The following HMCN2 variants were observed in gnomAD, a reference collection of about 807,000 sequenced individuals.
The protein encoded by HMCN2 is hemicentin-2.
A neutral mutation model predicts 377.5 loss-of-function variants in HMCN2; 325 were observed. The ratio of observed to expected loss-of-function variants is 0.86; its 90% confidence interval spans 0.79 to 0.94. HMCN2 has a LOEUF of 0.94. HMCN2 is among the 40% of genes least tolerant of loss of function. The pLI, the probability that HMCN2 is intolerant of heterozygous loss-of-function variation, is 0.00. For missense variants in HMCN2, 4,543 were observed against 4,725.3 expected (o/e 0.96, Z 1.13); for synonymous variants, 2,007 against 2,046.8 (o/e 0.98, Z 0.53).
chr9:130,344,096 A>G (rs1012786106), intron 25 of HMCN2, among the ~76,000 whole-genome samples: 3 of 152,206 alleles, frequency 2.0e-5, no homozygotes. Flanking sequence ...GCCGTCCTGC[A>G]CTAGAGCACT....
chr9:130,360,454 C>T lies in HMCN2; in HGVS notation c.5800C>T (p.Pro1934Ser), dbSNP rs1043609990. The T allele has an allele frequency of 3.1e-6, 4 of 1,302,544 alleles. No individual in the cohort carries two copies. The highest frequency in any genetic ancestry group is 4.0e-6 in the Non-Finnish European group (4 of 987,970). 80.7% of individuals were successfully genotyped at this position (1,302,544 alleles called of 1,614,324 possible). A position where few individuals can be genotyped will look rare whatever the true frequency, so the allele number is the denominator to read the frequency against. ...PDVSWFKGHQ[P>S]VSSWMGVTVS... ...TGTCTCCTGGTTCAAGGGCCACCAA[C>T]CTGTCTCTTCATGGATGGGAGTGAC... Residue 1934 changes from proline to serine, a missense_variant, in exon 38 of 98, where the codon CCT (proline) becomes TCT (serine). Physicochemically the swap from Pro to Ser is moderately conservative, Grantham distance 74. This residue lies in a region of HMCN2 where 1,032 missense variants were observed against 1,285.1 expected (regional missense o/e 0.80). Coordinates refer to ENST00000683500, the MANE Select transcript of HMCN2 (RefSeq NM_001291815.2). This position sits in a 1 kb window ranked among gnomAD's most constrained non-coding sequence, Gnocchi z 4.7.
chr9:130,292,907 T>C lies in HMCN2; in HGVS notation c.613-1948T>C, dbSNP rs550102310. 3.3e-5 allele frequency among the ~76,000 whole-genome samples: 5 copies of C among 152,268 alleles called. No individual in the cohort carries two copies. In the East Asian group the frequency reaches 7.7e-4, roughly 24 times the overall value. ...GAAACCAAGATCTAGGTACTGGTGG[T>C]GATCATTGTTATTGAAACTTTGGGC... On this transcript the variant is annotated intron_variant, in intron 4 of 97. Coordinates refer to ENST00000683500, the MANE Select transcript of HMCN2 (RefSeq NM_001291815.2).
Position 130,369,681 on chromosome 9 carries a change from C to G in HMCN2, c.6899C>G (p.Thr2300Arg). Residue 2300 changes from threonine (T) to arginine (R), a missense_variant, in exon 45 of 98, where the codon ACA becomes AGA. Thr to Arg is a moderately conservative substitution (Grantham distance 71). Around this residue, in one of 5 missense-constraint regions of HMCN2, gnomAD observed 1,032 missense variants for 1,285.1 expected, o/e 0.80. Transcript: ENST00000683500. The surrounding 1 kb of genome is among the most constrained non-coding windows in gnomAD (Gnocchi z 4.5). ...NATGKPPPTVTWERDGQPVGA... is the reference protein window; with the variant it reads ...NATGKPPPTVRWERDGQPVGA... ...ACAGGGAAACCCCCTCCGACAGTGACATGGGAGCGGGACGGCCAGCCCGTG... is the reference window on the plus strand; with the variant it reads ...ACAGGGAAACCCCCTCCGACAGTGAGATGGGAGCGGGACGGCCAGCCCGTG... 1 of 986,004 alleles carries G rather than the reference C, an allele frequency of 1.0e-6. No individual in the cohort carries two copies. The highest frequency in any genetic ancestry group is 1.2e-6 in the Non-Finnish European group (1 of 830,034). 61.1% of individuals were successfully genotyped at this position (986,004 alleles called of 1,614,324 possible). A position where few individuals can be genotyped will look rare whatever the true frequency, so the allele number is the denominator to read the frequency against.
At chr9:130,284,525 G>C (rs782341797) in intron 1 of HMCN2, 78 bp from the exon 2 acceptor site, 8 of 464,898 alleles carry the variant, frequency 1.7e-5, no homozygotes, top group Non-Finnish European at 3.6e-5. Context: ...CCATCCTCAT[G>C]TCGCCGACAA....
intron 59 of HMCN2, 50 bp downstream of exon 59, chr9:130,384,848 C>A: frequency 1.7e-6 from 2 of 1,166,008 alleles, no homozygotes; most frequent in Non-Finnish European, 1.2e-6. Context: ...CCTTCAGTCA[C>A]CCCTCAGCCC....
chr9:130,401,729 C>T (rs1842861954), intron 77 of HMCN2, among the ~76,000 whole-genome samples: 1 of 152,176 alleles, frequency 6.6e-6, no homozygotes, highest in African/African-American at 2.4e-5. Context: ...ACACTAAAGT[C>T]TAGGAACCAG....
intron 74 of HMCN2, among the ~76,000 whole-genome samples, 182 bp downstream of exon 74, chr9:130,397,837 G>T (rs910242417): frequency 1.3e-5 from 2 of 152,126 alleles, no homozygotes; most frequent in Non-Finnish European, 1.5e-5. Context: ...GTATTTTAGT[G>T]CATATATTAC....
chr9:130,391,050 G>A lies in HMCN2; in HGVS notation c.9597G>A (p.Ala3199=), dbSNP rs936083173. ...TGAGCCGCCTGCAACCGGCCCAGGC[G>A]GGCACCTACACGTGCGTGGCTGAGA... ...LQLSRLQPAQ[A]GTYTCVAENT... Residue 3199 remains alanine (A), a synonymous_variant, in exon 63 of 98, where the codon GCG becomes GCA. Transcript: ENST00000683500. 1.0e-5 allele frequency: 10 copies of A among 987,810 alleles called. No individual in the cohort carries two copies. The highest frequency in any genetic ancestry group is 9.4e-5 in the South Asian group (2 of 21,386). The allele number at this position is 987,810 out of a possible 1,614,324, so 61.2% of individuals were successfully genotyped here. A position where few individuals can be genotyped will look rare whatever the true frequency, so the allele number is the denominator to read the frequency against.
intron 25 of HMCN2, among the ~76,000 whole-genome samples, chr9:130,346,732 G>A (rs1014291667): frequency 6.0e-5 from 9 of 149,888 alleles, no homozygotes; most frequent in South Asian, 2.1e-4. Flanking sequence ...CCTGGCCCTC[G>A]TCGGGTGGGG....
intron 80 of HMCN2, 80 bp downstream of exon 80, chr9:130,403,955 C>A (rs1346546096): frequency 2.5e-6 from 3 of 1,195,210 alleles, no homozygotes; most frequent in South Asian, 1.4e-5. Flanking sequence ...CCTTCTCTGC[C>A]TGGCAGGGCA....
chr9:130,299,327 C>T, intron 8 of HMCN2, 39 bp downstream of exon 8: 1 of 404,330 alleles, frequency 2.5e-6, no homozygotes, highest in Non-Finnish European at 5.2e-6. Context: ...GCCCCTGGCT[C>T]ATTCAGAGTC....
chr9:130,425,288 G>C (rs1233708025), intron 89 of HMCN2, among the ~76,000 whole-genome samples, 158 bp downstream of exon 89: 1 of 152,186 alleles, frequency 6.6e-6, no homozygotes, highest in Non-Finnish European at 1.5e-5. Context: ...AGGATGAGCA[G>C]TTGTAACAGG....
At position 130,383,128 on chromosome 9, in the gene HMCN2, C is replaced by T. The variant is rs1014218893; in HGVS notation, c.8733+262C>T. On this transcript the variant is annotated intron_variant, in intron 56 of 97. Coordinates refer to ENST00000683500, the MANE Select transcript of HMCN2 (RefSeq NM_001291815.2). The stretch of plus-strand genomic sequence containing the variant: ...CCCAGCACCGCACACAGCAGCCTTC[C>T]GCGGGATCACCAGCTGGCGCGTGCA... Among the ~76,000 whole-genome samples the T allele has an allele frequency of 3.9e-5, 6 of 152,190 alleles. No homozygotes were observed. The South Asian group carries it at 8.3e-4, about 21-fold the overall frequency.
At position 130,408,907 on chromosome 9, in the gene HMCN2, GGCTC is replaced by G; in HGVS notation, c.12857_12860del (p.Ser4286Ter). The G allele has an allele frequency of 7.8e-7, 1 of 1,289,692 alleles. No homozygotes were observed. The highest frequency in any genetic ancestry group is 1.2e-5 in the South Asian group (1 of 81,022). 79.9% of individuals were successfully genotyped at this position (1,289,692 alleles called of 1,614,324 possible). On this transcript the variant is annotated frameshift_variant, in exon 84 of 98. Transcript: ENST00000683500. LOFTEE classifies it high-confidence loss of function. Reference sequence around the variant, plus strand: ...CCACCTCCGGCACCAGCTGCAGAATGGCTCGCTGACCATCCGCAGGACTGAGGCA... The same window carrying G: ...CCACCTCCGGCACCAGCTGCAGAATGGCTGACCATCCGCAGGACTGAGGCA...
chr9:130,301,645 C>A (rs139746382), intron 8 of HMCN2, among the ~76,000 whole-genome samples: 34 of 152,374 alleles, frequency 2.2e-4, no homozygotes, highest in Non-Finnish European at 4.3e-4. Context: ...ACCCCTCCCC[C>A]CCCGGGACAG....
rs1255901589 is a variant in HMCN2 at position 130,394,505 on chromosome 9, A to G, written c.10622A>G (p.Asp3541Gly). ...CAGCCCAACATCACCTGGCATAAGG[A>G]CGGGCAGGCCCTGACCAGGCTGGAG... ...TPQPNITWHK[D>G]GQALTRLENN... Residue 3541 changes from aspartate to glycine, a missense_variant, in exon 69 of 98, where the codon GAC becomes GGC. This residue lies in a region of HMCN2 where 1,073 missense variants were observed against 1,319.5 expected (regional missense o/e 0.81). Transcript: ENST00000683500. This position sits in a 1 kb window ranked among gnomAD's most constrained non-coding sequence, Gnocchi z 5.1. The G allele has an allele frequency of 3.1e-6, 4 of 1,289,658 alleles. No individual in the cohort carries two copies. In the East Asian group the frequency reaches 2.2e-4, roughly 72 times the overall value. 79.9% of individuals were successfully genotyped at this position (1,289,658 alleles called of 1,614,324 possible).
At position 130,331,957 on chromosome 9, in the gene HMCN2, T is replaced by C. The variant is rs952038060; in HGVS notation, c.3359+4482T>C. On this transcript the variant is annotated intron_variant, in intron 22 of 97. Coordinates refer to ENST00000683500, the MANE Select transcript of HMCN2 (RefSeq NM_001291815.2). The stretch of plus-strand genomic sequence containing the variant: ...TACCCCCACCACCCTCCTCTGCCCC[T>C]TCCCAAGCACACTGCAGGACAGGCT... 1.4e-4 allele frequency among the ~76,000 whole-genome samples: 21 copies of C among 152,284 alleles called. No individual in the cohort carries two copies. The South Asian group carries it at 4.3e-3, about 32-fold the overall frequency.
intron 45 of HMCN2, among the ~76,000 whole-genome samples, chr9:130,370,725 G>C (rs1275777099): frequency 6.6e-6 from 1 of 152,238 alleles, no homozygotes; most frequent in Non-Finnish European, 1.5e-5. Context: ...GCATCCCGCT[G>C]AGGGCTTGGG....
chr9:130,408,600 T>C, intron 83 of HMCN2, 143 bp from the exon 84 acceptor site: 1 of 400,538 alleles, frequency 2.5e-6, no homozygotes, highest in Non-Finnish European at 4.4e-6. Flanking sequence ...CCTGATGCAC[T>C]GACTAAACAC....
Sources: gnomAD v4.1 joint callset for allele counts (sites outside exome capture counted in the v4.1 genomes callset) on GRCh38, gnomAD v4.1.1 for gene constraint, gnomAD v4.1.1 regional missense constraint, Gnocchi (gnomAD v3.1) non-coding constraint, MANE v1.5 for transcripts, NCBI Gene and HGNC (gene_info 2026-07-23, HGNC 2026-07-21) for gene names.